G3BP2: variants seen among roughly 807,000 people sequenced by gnomAD.
G3BP2 encodes G3BP stress granule assembly factor 2.
In G3BP2, 11 loss-of-function variants were observed where a neutral mutation model predicts 56.7. The ratio of observed to expected loss-of-function variants is 0.19; its 90% CI spans 0.12 to 0.32. G3BP2 has a LOEUF of 0.32. Among genes scored for constraint, G3BP2 ranks in the 10% least tolerant of loss-of-function variants. The pLI, the probability that G3BP2 is intolerant of heterozygous loss-of-function variation, is 1.00. For synonymous variants in G3BP2, 165 were observed against 191.6 expected, an observed-to-expected ratio of 0.86 and a Z score of 1.15; for missense variants, 340 against 610.9, an observed-to-expected ratio of 0.56 and a Z score of 4.67.
At chr4:75,663,639 ATCACAAGGGCAGGAGT>A (rs1291008294) in intron 1 of G3BP2, among the ~76,000 whole-genome samples, 1 of 151,888 alleles carries the variant, frequency 6.6e-6, no homozygotes, top group East Asian at 2.0e-4. Flanking sequence ...AGGCGGGTGG[ATCACAAGGGCAGGAGT>A]TCAAGACCAG....
At chr4:75,665,380 A>AT (rs900685928) in intron 1 of G3BP2, among the ~76,000 whole-genome samples, 2 of 152,228 alleles carry the variant, frequency 1.3e-5, no homozygotes, top group Non-Finnish European at 2.9e-5. Flanking sequence ...GGTGTCATTG[A>AT]TTTTCCAGAA....
intron 3 of G3BP2, among the ~76,000 whole-genome samples, chr4:75,719,863 A>G (rs1490572080): frequency 6.6e-6 from 1 of 152,002 alleles, no homozygotes; most frequent in Non-Finnish European, 1.5e-5. Flanking sequence ...TGCTGGGATT[A>G]CAAGGGTGAG....
At chr4:75,719,554 C>T (rs969516873) in intron 3 of G3BP2, among the ~76,000 whole-genome samples, 1 of 152,046 alleles carries the variant, frequency 6.6e-6, no homozygotes, top group Admixed American at 6.6e-5. Context: ...GGCTCTATAG[C>T]ATGTGAGACA....
chr4:75,648,599 C>G, intron 9 of G3BP2, 40 bp downstream of exon 9: 1 of 1,042,692 alleles, frequency 9.6e-7, no homozygotes, highest in Admixed American at 1.8e-5. Context: ...TACAGCCTTA[C>G]AAATGTTAAA....
At chr4:75,649,734 A>C (rs867208268) in intron 8 of G3BP2, among the ~76,000 whole-genome samples, 1 of 152,322 alleles carries the variant, frequency 6.6e-6, no homozygotes, top group Middle Eastern at 3.4e-3. Context: ...TCCCATCTTT[A>C]AAGATGGTCA....
At chr4:75,720,573 G>A (rs1009949038) in intron 3 of G3BP2, among the ~76,000 whole-genome samples, 6 of 150,812 alleles carry the variant, frequency 4.0e-5, no homozygotes, top group Admixed American at 1.3e-4. Flanking sequence ...GAGGCAGGCG[G>A]ATCATAAGGT....
At chr4:75,659,143 A>C (rs1487429923) in intron 2 of G3BP2, among the ~76,000 whole-genome samples, 2 of 152,232 alleles carry the variant, frequency 1.3e-5, no homozygotes, top group African/African-American at 4.8e-5. Context: ...TAAATGACTA[A>C]TGCACATAGA....
At chr4:75,693,764 G>A (rs1469791452) in intron 3 of G3BP2, among the ~76,000 whole-genome samples, 1 of 149,746 alleles carries the variant, frequency 6.7e-6, no homozygotes, top group African/African-American at 2.5e-5. Flanking sequence ...ACTCTAGCCT[G>A]GTGACAAAGC....
At chr4:75,719,482 A>C (rs1005889539) in intron 3 of G3BP2, among the ~76,000 whole-genome samples, 2 of 152,202 alleles carry the variant, frequency 1.3e-5, no homozygotes, top group Non-Finnish European at 1.5e-5. Flanking sequence ...ATAAAATCCC[A>C]AAAACAACCA....
upstream of G3BP2, among the ~76,000 whole-genome samples, chr4:75,677,310 C>T (rs1271497389): frequency 2.0e-5 from 3 of 152,054 alleles, no homozygotes; most frequent in African/African-American, 2.4e-5. Context: ...CAGTGGTTCA[C>T]GCCTGTAACC....
At chr4:75,648,369 A>C (rs71217557) in intron 9 of G3BP2, among the ~76,000 whole-genome samples, 44 of 94,782 alleles carry the variant, frequency 4.6e-4, no homozygotes, top group Admixed American at 3.2e-3. Context: ...AACAAACAAA[A>C]AAAAAAAACA....
intron 3 of G3BP2, among the ~76,000 whole-genome samples, chr4:75,685,547 G>A (rs1718566304): frequency 6.6e-6 from 1 of 151,556 alleles, no homozygotes. Flanking sequence ...AAATTTGATG[G>A]TATTTGGTTC....
chr4:75,674,911 C>T (rs1296879268), upstream of G3BP2, among the ~76,000 whole-genome samples: 12 of 151,306 alleles, frequency 7.9e-5, no homozygotes, highest in African/African-American at 2.9e-4. Context: ...TTAGTAGAGA[C>T]GAGGTTTCAC....
chr4:75,720,686 C>T (rs1720131542), intron 3 of G3BP2, among the ~76,000 whole-genome samples: 2 of 151,232 alleles, frequency 1.3e-5, no homozygotes, highest in African/African-American at 4.9e-5. Context: ...TTCCCAGCTA[C>T]TTGGAAGGCT....
chr4:75,706,140 G>A (rs1719534848), intron 3 of G3BP2, among the ~76,000 whole-genome samples: 1 of 152,162 alleles, frequency 6.6e-6, no homozygotes, highest in Non-Finnish European at 1.5e-5. Context: ...GTAACCAGAT[G>A]TAACTCATAG....
chr4:75,674,596 G>T (rs1418940657), upstream of G3BP2, among the ~76,000 whole-genome samples: 1 of 150,414 alleles, frequency 6.6e-6, no homozygotes, highest in Non-Finnish European at 1.5e-5. Flanking sequence ...CATGCCGGCT[G>T]TCCTTTAATA....
Position 75,658,770 on chromosome 4 carries a change from C to T in G3BP2, c.177+73G>A, listed in dbSNP as rs568864028. 3.5e-5 allele frequency: 32 copies of T among 903,108 alleles called. No individual in the cohort carries two copies. In the African/African-American group the frequency reaches 4.5e-4, roughly 13 times the overall value. 55.9% of individuals were successfully genotyped at this position (903,108 alleles called of 1,614,324 possible). Reference sequence around the variant, plus strand: ...AAAGAAAGAAAAAAAAAGCCATGGACACAAGAAGGCTATTTTTTAAAATCT... The same window carrying T: ...AAAGAAAGAAAAAAAAAGCCATGGATACAAGAAGGCTATTTTTTAAAATCT... On this transcript the variant is annotated intron_variant, in intron 3 of 11. Transcript: ENST00000359707.
intron 1 of G3BP2, chr4:75,670,500 G>C (rs1258456701): frequency 2.0e-5 from 3 of 152,148 alleles, no homozygotes; most frequent in African/African-American, 4.8e-5. Context: ...GGCTCCAAAA[G>C]GTGTTTTTGT....
chr4:75,675,133 ACAGG>A (rs1054967588), upstream of G3BP2, among the ~76,000 whole-genome samples: 3 of 152,104 alleles, frequency 2.0e-5, no homozygotes, highest in African/African-American at 7.2e-5. Context: ...GGATTCAAAC[ACAGG>A]CAATCTGCCT....
Sources: allele counts gnomAD v4.1 joint callset (sites outside exome capture counted in the v4.1 genomes callset), GRCh38; gene constraint gnomAD v4.1.1; transcripts MANE v1.5; gene names NCBI Gene and HGNC (gene_info 2026-07-23, HGNC 2026-07-21).